The following PCGF5 variants were observed in gnomAD, a reference collection of about 807,000 sequenced individuals.
PCGF5 encodes polycomb group ring finger 5, also known as polycomb group RING finger protein 5.
A neutral mutation model predicts 44.3 loss-of-function variants in PCGF5; 9 were observed. The observed-to-expected ratio is 0.20, with a 90% CI of 0.12 to 0.35. The LOEUF (loss-of-function observed/expected upper bound fraction) is 0.35. Among genes scored for constraint, PCGF5 ranks in the 10% least tolerant of loss-of-function variants. The pLI is 1.00. For synonymous variants in PCGF5, 95 were observed against 102.5 expected (o/e 0.93, Z 0.44); for missense variants, 146 against 305.3 (o/e 0.48, Z 3.89).
intron 9 of PCGF5, among the ~76,000 whole-genome samples, chr10:91,275,243 A>G (rs1230345992): frequency 6.6e-6 from 1 of 152,120 alleles, no homozygotes; most frequent in East Asian, 1.9e-4. Flanking sequence ...AAGATACACA[A>G]GAAGGAAACA....
At chr10:91,245,455 G>T (rs568947024) in intron 3 of PCGF5, among the ~76,000 whole-genome samples, 114 of 152,198 alleles carry the variant, frequency 7.5e-4, no homozygotes, top group Middle Eastern at 3.4e-3. Flanking sequence ...CTCTTTCAAG[G>T]AGTTTTGCTA....
chr10:91,156,762 G>T, the PCGF5 span, among the ~76,000 whole-genome samples: 1 of 152,126 alleles, frequency 6.6e-6, no homozygotes, highest in South Asian at 2.1e-4. Context: ...CAAACAAGTG[G>T]TACCCACCAC....
intron 7 of PCGF5, among the ~76,000 whole-genome samples, chr10:91,263,076 A>G (rs1033827069): frequency 3.3e-5 from 5 of 152,184 alleles, no homozygotes; most frequent in Non-Finnish European, 7.3e-5. Flanking sequence ...TCCCAATGCA[A>G]AGGACTTTTC....
At chr10:91,177,695 C>A (rs921375258) in intron 1 of PCGF5, among the ~76,000 whole-genome samples, 3 of 152,222 alleles carry the variant, frequency 2.0e-5, no homozygotes, top group Non-Finnish European at 4.4e-5. Flanking sequence ...AGGCGTAGGA[C>A]CCTCCAAGCC....
At position 91,251,453 on chromosome 10, in the gene PCGF5, G is replaced by T; in HGVS notation, c.474+13G>T. 6.2e-7 allele frequency: 1 copy of T among 1,606,150 alleles called. No individual in the cohort carries two copies. The highest frequency in any genetic ancestry group is 8.5e-7 in the Non-Finnish European group (1 of 1,175,210). ...CAATGTAGTAAAGGTGAGTGAACAAGTACTATGGTATTTTTATGATCAGTT... is the reference window on the plus strand; with the variant it reads ...CAATGTAGTAAAGGTGAGTGAACAATTACTATGGTATTTTTATGATCAGTT... On this transcript the variant is annotated intron_variant, in intron 6 of 9. Transcript: ENST00000336126.
At chr10:91,184,626 A>G (rs1843884701) in intron 1 of PCGF5, among the ~76,000 whole-genome samples, 1 of 152,220 alleles carries the variant, frequency 6.6e-6, no homozygotes, top group South Asian at 2.1e-4. Flanking sequence ...TTTGGAGGAA[A>G]GAGGGCACTC....
chr10:91,160,874 G>C (rs926715900), upstream of PCGF5, among the ~76,000 whole-genome samples: 3 of 152,198 alleles, frequency 2.0e-5, no homozygotes, highest in Non-Finnish European at 4.4e-5. Context: ...GAGGCAACCA[G>C]GTGCAGCACC....
intron 2 of PCGF5, among the ~76,000 whole-genome samples, chr10:91,234,706 C>T (rs780455748): frequency 1.3e-5 from 2 of 152,230 alleles, no homozygotes; most frequent in Admixed American, 6.5e-5. Flanking sequence ...TTATTGAATA[C>T]TTACAAGTTA....
intron 6 of PCGF5, among the ~76,000 whole-genome samples, chr10:91,253,761 C>A (rs1274953279): frequency 6.6e-6 from 1 of 152,052 alleles, no homozygotes; most frequent in African/African-American, 2.4e-5. Context: ...AGGGCTAGGG[C>A]CACTTGCCTG....
chr10:91,157,007 G>T, the PCGF5 span, among the ~76,000 whole-genome samples: 3 of 152,146 alleles, frequency 2.0e-5, no homozygotes, highest in African/African-American at 4.8e-5. Context: ...CCACTTCTTA[G>T]CTAGTTGACC....
chr10:91,261,569 A>C (rs1023551737), intron 7 of PCGF5, 145 bp downstream of exon 7: 2 of 1,084,642 alleles, frequency 1.8e-6, no homozygotes, highest in Admixed American at 3.6e-5. Context: ...AATTTTCAGA[A>C]TGTATTATTC....
intron 1 of PCGF5, among the ~76,000 whole-genome samples, chr10:91,167,623 G>T (rs1044581483): frequency 6.6e-6 from 1 of 152,162 alleles, no homozygotes; most frequent in African/African-American, 2.4e-5. Context: ...CAGTATAATG[G>T]GAGAGAATGC....
chr10:91,166,893 A>C (rs1328851835), intron 1 of PCGF5, among the ~76,000 whole-genome samples: 1 of 152,244 alleles, frequency 6.6e-6, no homozygotes, highest in African/African-American at 2.4e-5. Context: ...GGTAACTGCT[A>C]TAGTTATGAC....
chr10:91,186,022 T>C (rs6583758), intron 1 of PCGF5, among the ~76,000 whole-genome samples: 142,249 of 152,258 alleles, frequency 0.93, 66,554 homozygotes, highest in East Asian at 1. Context: ...GCCATCTTGG[T>C]CGCTCCCTGC....
chr10:91,171,650 A>G (rs1225223227), intron 1 of PCGF5, among the ~76,000 whole-genome samples: 1 of 152,176 alleles, frequency 6.6e-6, no homozygotes, highest in Non-Finnish European at 1.5e-5. Context: ...ATATGAGATT[A>G]GAGTGTGTAA....
chr10:91,225,928 T>TAG (rs775834889), intron 2 of PCGF5, among the ~76,000 whole-genome samples: 7 of 152,066 alleles, frequency 4.6e-5, no homozygotes, highest in Non-Finnish European at 1.0e-4. Context: ...TAGATACAGT[T>TAG]GTTCTGTGAT....
At chr10:91,202,152 T>G (rs1167215795) in intron 1 of PCGF5, among the ~76,000 whole-genome samples, 3 of 152,248 alleles carry the variant, frequency 2.0e-5, no homozygotes, top group Admixed American at 6.5e-5. Flanking sequence ...TTTTTATATG[T>G]TCACTGCTTA....
At chr10:91,195,240 C>G (rs1487777994) in intron 1 of PCGF5, among the ~76,000 whole-genome samples, 1 of 150,978 alleles carries the variant, frequency 6.6e-6, no homozygotes, top group Non-Finnish European at 1.5e-5. Flanking sequence ...TGCCACCATA[C>G]ACCGTTGAAA....
At chr10:91,260,057 A>T (rs1019194153) in intron 6 of PCGF5, among the ~76,000 whole-genome samples, 2 of 152,086 alleles carry the variant, frequency 1.3e-5, no homozygotes, top group African/African-American at 4.8e-5. Flanking sequence ...AATTTTTGCA[A>T]CCTACTCATC....
Sources: allele counts gnomAD v4.1 joint callset (sites outside exome capture counted in the v4.1 genomes callset), GRCh38; gene constraint gnomAD v4.1.1; transcripts MANE v1.5; gene names NCBI Gene and HGNC (gene_info 2026-07-23, HGNC 2026-07-21).